The following GALNT13 variants were observed in gnomAD, a reference collection of about 807,000 sequenced individuals.
GALNT13 encodes the protein UDP-GalNAc:polypeptide N-acetylgalactosaminyltransferase 13.
GALNT13 carries 28 observed loss-of-function variants against 64.2 expected under a neutral mutation model. That is an observed-to-expected ratio of 0.44 (90% CI 0.32 to 0.60). The LOEUF (loss-of-function observed/expected upper bound fraction) is 0.60, where lower values mean the gene tolerates loss of function less well. Ranked by LOEUF, GALNT13 falls within the 20% of genes least tolerant of loss-of-function variation. The probability of loss-of-function intolerance (pLI) is 0.05; values close to 1 mark genes in which losing one functional copy is unlikely to be tolerated. For missense variants in GALNT13, 577 were observed against 669.8 expected, an observed-to-expected ratio of 0.86 and a Z score of 1.53; for synonymous variants, 214 against 224.6, an observed-to-expected ratio of 0.95 and a Z score of 0.42.
intron 9 of GALNT13, among the ~76,000 whole-genome samples, chr2:154,371,905 A>C (rs1697714217): frequency 6.6e-6 from 1 of 152,070 alleles, no homozygotes; most frequent in African/African-American, 2.4e-5. Flanking sequence ...ACAATCCATT[A>C]ATCTATTTAA....
the GALNT13 span, among the ~76,000 whole-genome samples, chr2:153,858,720 T>A: frequency 6.6e-6 from 1 of 152,168 alleles, no homozygotes; most frequent in Non-Finnish European, 1.5e-5. Context: ...TAGGTTTTTT[T>A]ATTTATTTAT....
At chr2:153,299,609 G>T in the GALNT13 span, among the ~76,000 whole-genome samples, 1 of 152,158 alleles carries the variant, frequency 6.6e-6, no homozygotes, top group African/African-American at 2.4e-5. Flanking sequence ...CCCATCCAGT[G>T]ATTTCCTTTT....
At chr2:153,811,393 A>C in the GALNT13 span, among the ~76,000 whole-genome samples, 1 of 152,164 alleles carries the variant, frequency 6.6e-6, no homozygotes, top group Non-Finnish European at 1.5e-5. Flanking sequence ...ACCTCTGTTT[A>C]CTGGTTGCTG....
At chr2:153,399,390 TTGACTTGG>T in the GALNT13 span, among the ~76,000 whole-genome samples, 1 of 152,244 alleles carries the variant, frequency 6.6e-6, no homozygotes, top group Non-Finnish European at 1.5e-5. Context: ...TCGCTTAGGA[TTGACTTGG>T]TGATGTGGGC....
the GALNT13 span, among the ~76,000 whole-genome samples, chr2:153,370,005 T>C: frequency 6.6e-6 from 1 of 152,174 alleles, no homozygotes; most frequent in South Asian, 2.1e-4. Flanking sequence ...CTGTCTCTAA[T>C]TTTAGGTATA....
chr2:153,128,585 CT>C, the GALNT13 span, among the ~76,000 whole-genome samples: 2 of 152,076 alleles, frequency 1.3e-5, no homozygotes, highest in African/African-American at 4.8e-5. Flanking sequence ...AGAATATATC[CT>C]TTGTATAATT....
the GALNT13 span, among the ~76,000 whole-genome samples, chr2:153,587,127 C>T: frequency 2.7e-5 from 4 of 150,786 alleles, no homozygotes; most frequent in South Asian, 2.1e-4. Context: ...CCAGCTACTC[C>T]GGAGGCCTAG....
chr2:153,982,414 G>T (rs1355982478), intron 3 of GALNT13, among the ~76,000 whole-genome samples: 3 of 152,010 alleles, frequency 2.0e-5, no homozygotes, highest in African/African-American at 7.2e-5. Context: ...TACCAATATT[G>T]TGCTATGTCA....
chr2:153,851,321 TA>T, the GALNT13 span, among the ~76,000 whole-genome samples: 1 of 151,974 alleles, frequency 6.6e-6, no homozygotes, highest in African/African-American at 2.4e-5. Flanking sequence ...GTAGGCAAAA[TA>T]AGAATTTTTA....
the GALNT13 span, among the ~76,000 whole-genome samples, chr2:153,289,149 C>T: frequency 6.6e-6 from 1 of 152,104 alleles, no homozygotes; most frequent in African/African-American, 2.4e-5. Context: ...TTTCATTTGA[C>T]TCAAGAATAT....
At chr2:153,886,857 T>C (rs559041215) in intron 1 of GALNT13, among the ~76,000 whole-genome samples, 1 of 152,120 alleles carries the variant, frequency 6.6e-6, no homozygotes, top group East Asian at 1.9e-4. Flanking sequence ...TCCTCTTCAT[T>C]CTAAGATAAG....
the GALNT13 span, among the ~76,000 whole-genome samples, chr2:153,673,701 G>A: frequency 2.0e-5 from 3 of 152,138 alleles, no homozygotes; most frequent in Non-Finnish European, 4.4e-5. Flanking sequence ...TGGAAGTTCT[G>A]GCCAGGGCAA....
the GALNT13 span, among the ~76,000 whole-genome samples, chr2:153,180,576 T>G: frequency 3.9e-5 from 6 of 152,222 alleles, no homozygotes; most frequent in Admixed American, 3.9e-4. Context: ...TTAATTTTTT[T>G]GGAAGAGTTT....
chr2:153,203,860 A>G, the GALNT13 span, among the ~76,000 whole-genome samples: 1 of 118,668 alleles, frequency 8.4e-6, no homozygotes, highest in African/African-American at 2.8e-5. Flanking sequence ...TAGGGACACA[A>G]TATGTAGCGT....
chr2:153,527,360 C>G, the GALNT13 span, among the ~76,000 whole-genome samples: 1 of 152,074 alleles, frequency 6.6e-6, no homozygotes, highest in African/African-American at 2.4e-5. Context: ...AAGTGGAAAC[C>G]TTACAGGCCA....
At chr2:154,282,777 C>T (rs549716447) in intron 8 of GALNT13, among the ~76,000 whole-genome samples, 1 of 152,250 alleles carries the variant, frequency 6.6e-6, no homozygotes, top group Non-Finnish European at 1.5e-5. Context: ...TGGCTTCTGG[C>T]AGGTGACCAC....
At chr2:153,103,617 A>G in the GALNT13 span, among the ~76,000 whole-genome samples, 1 of 152,214 alleles carries the variant, frequency 6.6e-6, no homozygotes, top group Non-Finnish European at 1.5e-5. Context: ...CTATAAATGG[A>G]TGAGGGAGGT....
At chr2:153,345,662 T>TCTTTCTTTCTTTCTTC in the GALNT13 span, among the ~76,000 whole-genome samples, 5 of 141,584 alleles carry the variant, frequency 3.5e-5, no homozygotes, top group African/African-American at 1.3e-4. Context: ...TTTCTTTCTT[T>TCTTTCTTTCTTTCTTC]CTTTCTTTCT....
chr2:153,496,993 C>CAAAAAAAAAAAAAAAA, the GALNT13 span, among the ~76,000 whole-genome samples: 18 of 90,736 alleles, frequency 2.0e-4, no homozygotes, highest in South Asian at 3.4e-4. Context: ...GATTTTGTCT[C>CAAAAAAAAAAAAAAAA]AAAAAAAAAA....
Sources: allele counts gnomAD v4.1 joint callset (sites outside exome capture counted in the v4.1 genomes callset), GRCh38; gene constraint gnomAD v4.1.1; transcripts MANE v1.5; gene names NCBI Gene and HGNC (gene_info 2026-07-23, HGNC 2026-07-21).